FANCL: variants seen among roughly 807,000 people sequenced by gnomAD.
FANCL encodes the protein E3 ubiquitin-protein ligase FANCL.
Under a neutral mutation model 59.4 loss-of-function variants are expected in FANCL, and 69 were observed. The ratio of observed to expected loss-of-function variants is 1.16; its 90% CI spans 0.96 to 1.42. The LOEUF (loss-of-function observed/expected upper bound fraction) is 1.42. Among genes scored for constraint, FANCL ranks in the 40% most tolerant of loss-of-function variants. The pLI is 0.00. For synonymous variants in FANCL, 180 were observed against 147.1 expected (o/e 1.22, Z -1.62); for missense variants, 519 against 447.2 (o/e 1.16, Z -1.45).
intron 7 of FANCL, among the ~76,000 whole-genome samples, chr2:58,167,568 A>C (rs1686081914): frequency 6.6e-6 from 1 of 152,232 alleles, no homozygotes; most frequent in Non-Finnish European, 1.5e-5. Flanking sequence ...GGCATTGTCC[A>C]TTTCTCTTAT....
At chr2:58,183,983 G>C (rs973984135) in intron 7 of FANCL, among the ~76,000 whole-genome samples, 2 of 151,922 alleles carry the variant, frequency 1.3e-5, no homozygotes, top group Non-Finnish European at 2.9e-5. Flanking sequence ...TGGTACAAGA[G>C]ACAACTTCTA....
chr2:58,235,592 G>A (rs1157955657), intron 1 of FANCL, among the ~76,000 whole-genome samples: 2 of 151,926 alleles, frequency 1.3e-5, no homozygotes, highest in African/African-American at 4.8e-5. Context: ...CATGCAACAG[G>A]TAGCATTCAT....
intron 1 of FANCL, among the ~76,000 whole-genome samples, chr2:58,234,556 A>G (rs1265890066): frequency 1.3e-5 from 2 of 151,818 alleles, no homozygotes; most frequent in Non-Finnish European, 2.9e-5. Context: ...GATCTTGGAA[A>G]GAAAAATAAA....
chr2:58,179,661 G>A (rs527535029), intron 7 of FANCL, among the ~76,000 whole-genome samples: 1 of 152,268 alleles, frequency 6.6e-6, no homozygotes, highest in East Asian at 1.9e-4. Flanking sequence ...AAACCATTCA[G>A]TACATTGGCA....
At chr2:58,211,026 T>C (rs1018826910) in intron 5 of FANCL, among the ~76,000 whole-genome samples, 24 of 152,280 alleles carry the variant, frequency 1.6e-4, no homozygotes, top group African/African-American at 5.8e-4. Context: ...GTCTGGAAGA[T>C]GGTGGCCCTC....
chr2:58,207,119 C>G (rs537170483), intron 5 of FANCL, among the ~76,000 whole-genome samples: 7 of 152,264 alleles, frequency 4.6e-5, no homozygotes, highest in Admixed American at 4.6e-4. Flanking sequence ...GGACTACAAG[C>G]ACAAGTGATG....
intron 5 of FANCL, among the ~76,000 whole-genome samples, chr2:58,212,937 T>A (rs1263371982): frequency 6.6e-6 from 1 of 152,216 alleles, no homozygotes; most frequent in Non-Finnish European, 1.5e-5. Flanking sequence ...AAAGGGAAGC[T>A]TTCATCTTAT....
intron 5 of FANCL, among the ~76,000 whole-genome samples, chr2:58,214,972 T>C (rs1691561871): frequency 6.6e-6 from 1 of 152,216 alleles, no homozygotes; most frequent in African/African-American, 2.4e-5. Flanking sequence ...CTCTCAACCA[T>C]GTCAGATCCA....
intron 7 of FANCL, among the ~76,000 whole-genome samples, 194 bp downstream of exon 7, chr2:58,198,400 A>C (rs773221826): frequency 6.6e-6 from 1 of 152,160 alleles, no homozygotes; most frequent in Admixed American, 6.5e-5. Context: ...ATTATAATCT[A>C]GAGATAACTT....
intron 5 of FANCL, among the ~76,000 whole-genome samples, chr2:58,217,172 A>ATATATATATTTATATATTT: frequency 5.0e-5 from 1 of 19,958 alleles, no homozygotes; most frequent in Admixed American, 8.1e-4. Context: ...TATTTTATAT[A>ATATATATATTTATATATTT]TATATATATA....
Position 58,169,326 on chromosome 2 carries a change from G to A in FANCL, c.541-3452C>T, listed in dbSNP as rs1395021294. Among the ~76,000 whole-genome samples, 7 of 152,158 alleles carry A rather than the reference G, an allele frequency of 4.6e-5. No individual in the cohort carries two copies. The South Asian group carries it at 1.0e-3, about 23-fold the overall frequency. ...CCTGCAGCAGAGGGGTCTGTTAGAC[G>A]GAAAACTAACAAACAGAAAGCAATA... On this transcript the variant is annotated intron_variant, in intron 7 of 13. Coordinates refer to ENST00000233741, the MANE Select transcript of FANCL (RefSeq NM_018062.4).
intron 7 of FANCL, among the ~76,000 whole-genome samples, chr2:58,198,094 T>C (rs1035641937): frequency 6.6e-6 from 1 of 151,828 alleles, no homozygotes; most frequent in African/African-American, 2.4e-5. Flanking sequence ...AGTGGGTGTG[T>C]TTGTGTGTGC....
intron 7 of FANCL, among the ~76,000 whole-genome samples, chr2:58,170,447 G>C (rs1686461437): frequency 6.6e-6 from 1 of 152,068 alleles, no homozygotes; most frequent in Non-Finnish European, 1.5e-5. Context: ...AAAATGTAAA[G>C]ACCATCAACA....
At chr2:58,187,044 A>G (rs1688469255) in intron 7 of FANCL, among the ~76,000 whole-genome samples, 1 of 152,126 alleles carries the variant, frequency 6.6e-6, no homozygotes, top group African/African-American at 2.4e-5. Context: ...ATACCATTTG[A>G]CCCAGCAATC....
At chr2:58,200,796 A>T (rs2105118297) in intron 6 of FANCL, among the ~76,000 whole-genome samples, 1 of 151,968 alleles carries the variant, frequency 6.6e-6, no homozygotes, top group South Asian at 2.1e-4. Flanking sequence ...TATATAAATG[A>T]GTCCAGTATG....
intron 7 of FANCL, among the ~76,000 whole-genome samples, chr2:58,183,844 T>C (rs1688154551): frequency 6.6e-6 from 1 of 152,008 alleles, no homozygotes; most frequent in Non-Finnish European, 1.5e-5. Flanking sequence ...CTACGTTGGC[T>C]TCTCTGATAT....
In FANCL at chr2:58,202,046, G is replaced by A. The variant is rs528839772; in HGVS notation, c.471+2084C>T. Among the ~76,000 whole-genome samples, 240 of 151,278 alleles carry A rather than the reference G, an allele frequency of 1.6e-3. 1 individual carries two copies. The highest frequency in any genetic ancestry group is 3.3e-3 in the South Asian group (16 of 4,804). On this transcript the variant is annotated intron_variant, in intron 6 of 13. Transcript: ENST00000233741. ...AATATACTCTTAACATACAGTTAAC[G>A]TTTCAACTATTAGTGTAGTTGACTG...
chr2:58,209,070 C>G (rs940868430), intron 5 of FANCL, among the ~76,000 whole-genome samples: 16 of 152,328 alleles, frequency 1.1e-4, no homozygotes, highest in Admixed American at 3.3e-4. Context: ...TCCCAACATT[C>G]ATCTCCTCTA....
At chr2:58,162,750 T>C in intron 11 of FANCL, 116 bp downstream of exon 11, 1 of 895,336 alleles carries the variant, frequency 1.1e-6, no homozygotes, top group Non-Finnish European at 1.8e-6. Context: ...ATCAGAAGTC[T>C]GTGTTATAAT....
Sources: gnomAD v4.1 joint callset for allele counts (sites outside exome capture counted in the v4.1 genomes callset) on GRCh38, gnomAD v4.1.1 for gene constraint, MANE v1.5 for transcripts, NCBI Gene and HGNC (gene_info 2026-07-23, HGNC 2026-07-21) for gene names.